The following ZBBX variants were observed in gnomAD, a reference collection of about 807,000 sequenced individuals.
ZBBX encodes zinc finger B-box domain containing, also known as zinc finger B-box domain-containing protein 1.
A neutral mutation model predicts 108.5 loss-of-function variants in ZBBX; 101 were observed. The observed-to-expected ratio is 0.93, with a 90% CI of 0.79 to 1.10. The LOEUF (loss-of-function observed/expected upper bound fraction) is 1.10, where lower values mean the gene tolerates loss of function less well. Among genes scored for constraint, ZBBX ranks in the 50% least tolerant of loss-of-function variants. The pLI is 0.00. For missense variants in ZBBX, 1,009 were observed against 941.4 expected (o/e 1.07, Z -0.94); for synonymous variants, 356 against 323.4 (o/e 1.10, Z -1.08).
the ZBBX span, among the ~76,000 whole-genome samples, chr3:167,191,070 TTC>T: frequency 6.6e-6 from 1 of 152,126 alleles, no homozygotes; most frequent in Non-Finnish European, 1.5e-5. Context: ...CTACCAACCT[TTC>T]TCTGTTTCAA....
upstream of ZBBX, among the ~76,000 whole-genome samples, chr3:167,382,912 C>T (rs1344252317): frequency 6.6e-6 from 1 of 152,014 alleles, no homozygotes; most frequent in African/African-American, 2.4e-5. Flanking sequence ...TTGCACTATA[C>T]AACTTTAACC....
the ZBBX span, among the ~76,000 whole-genome samples, chr3:167,224,507 G>A: frequency 1.3e-5 from 2 of 151,804 alleles, no homozygotes; most frequent in South Asian, 2.1e-4. Flanking sequence ...TAATAAACAG[G>A]TTAATTAGCC....
the ZBBX span, among the ~76,000 whole-genome samples, chr3:167,179,829 T>C: frequency 4.6e-5 from 7 of 152,340 alleles, no homozygotes; most frequent in Admixed American, 3.9e-4. Flanking sequence ...ATCCAATTAG[T>C]TAATTTCAAA....
At chr3:167,192,282 C>T in the ZBBX span, among the ~76,000 whole-genome samples, 3 of 152,028 alleles carry the variant, frequency 2.0e-5, no homozygotes, top group Admixed American at 6.6e-5. Flanking sequence ...ATTGAAGAGT[C>T]GCCTTTAGCA....
At chr3:167,266,008 C>A (rs1420456771) in intron 20 of ZBBX, among the ~76,000 whole-genome samples, 9 of 152,196 alleles carry the variant, frequency 5.9e-5, no homozygotes, top group Non-Finnish European at 1.2e-4. Flanking sequence ...GTCTCTCTTG[C>A]CCTTTTCAAT....
At chr3:167,328,551 A>G (rs886539299) in intron 10 of ZBBX, among the ~76,000 whole-genome samples, 1 of 151,900 alleles carries the variant, frequency 6.6e-6, no homozygotes, top group Non-Finnish European at 1.5e-5. Flanking sequence ...TTGACTGTCT[A>G]TGAAACCCCA....
Position 167,368,487 on chromosome 3 carries a change from T to C in ZBBX, c.156A>G (p.Thr52=). The C allele has an allele frequency of 3.1e-6, 5 of 1,612,138 alleles. No homozygotes were observed. Among genetic ancestry groups the C allele is most frequent in the Non-Finnish European group, 4.2e-6 (5 of 1,178,672 alleles). Residue 52 remains threonine (T), a synonymous_variant, in exon 5 of 22, where the codon ACA becomes ACG. Transcript: ENST00000675490. ...MEKKLQEFRS[T]RNKEKEDRES... is the part of the protein sequence containing the mutation. ...CTCTATCTTCCTTTTCTTTGTTTCTTGTGGATCGGAATTCTTGCAGTTTCT... is the reference window on the plus strand; with the variant it reads ...CTCTATCTTCCTTTTCTTTGTTTCTCGTGGATCGGAATTCTTGCAGTTTCT...
intron 16 of ZBBX, among the ~76,000 whole-genome samples, chr3:167,310,642 C>T (rs1734426054): frequency 6.6e-6 from 1 of 152,126 alleles, no homozygotes; most frequent in Admixed American, 6.6e-5. Flanking sequence ...CGAGGACTCA[C>T]TCACTATCAT....
intron 16 of ZBBX, 82 bp downstream of exon 16, chr3:167,313,892 G>C (rs1265001370): frequency 7.8e-7 from 1 of 1,289,198 alleles, no homozygotes; most frequent in Admixed American, 2.8e-5. Flanking sequence ...AAAATGAACA[G>C]CATAACAAAG....
the ZBBX span, among the ~76,000 whole-genome samples, chr3:167,231,563 A>G: frequency 1.3e-5 from 2 of 151,818 alleles, no homozygotes; most frequent in African/African-American, 4.8e-5. Flanking sequence ...GAAAAAAATC[A>G]AAGTGTGTAT....
At chr3:167,204,242 TC>T in the ZBBX span, among the ~76,000 whole-genome samples, 62,611 of 131,618 alleles carry the variant, frequency 0.48, 14,747 homozygotes, top group East Asian at 0.7. Flanking sequence ...TCTTTTCTTT[TC>T]TTTTTTTTTT....
intron 8 of ZBBX, among the ~76,000 whole-genome samples, chr3:167,358,662 C>T (rs935263579): frequency 5.9e-5 from 9 of 151,902 alleles, no homozygotes; most frequent in South Asian, 2.1e-4. Flanking sequence ...ATAGTCTAGG[C>T]GTGGTGGCTC....
At chr3:167,364,185 GC>G (rs1234462513) in intron 6 of ZBBX, among the ~76,000 whole-genome samples, 1 of 146,682 alleles carries the variant, frequency 6.8e-6, no homozygotes, top group African/African-American at 2.5e-5. Context: ...TATATCTTTA[GC>G]AAAAAAAAAA....
chr3:167,392,178 T>G (rs1003611781), intron 1 of ZBBX, among the ~76,000 whole-genome samples: 1 of 151,902 alleles, frequency 6.6e-6, no homozygotes, highest in African/African-American at 2.4e-5. Context: ...GTAAGTCTTC[T>G]TTAACTCAGC....
intron 11 of ZBBX, among the ~76,000 whole-genome samples, chr3:167,323,447 A>C (rs1032715034): frequency 2.6e-5 from 4 of 152,114 alleles, no homozygotes; most frequent in Non-Finnish European, 5.9e-5. Context: ...GTTTGTGAAT[A>C]TGTTGATAAC....
chr3:167,333,404 T>C (rs2108400157), intron 10 of ZBBX, among the ~76,000 whole-genome samples: 1 of 152,282 alleles, frequency 6.6e-6, no homozygotes, highest in Middle Eastern at 3.4e-3. Context: ...CAGAATTTGG[T>C]ATAAATCTGG....
intron 19 of ZBBX, among the ~76,000 whole-genome samples, chr3:167,283,616 T>C (rs1272561653): frequency 6.6e-6 from 1 of 152,188 alleles, no homozygotes; most frequent in East Asian, 1.9e-4. Context: ...ATGTATTAAA[T>C]ATTTAATGAC....
In ZBBX at chr3:167,368,972, G is replaced by T. The variant is rs552173861; in HGVS notation, c.69-398C>A. Among the ~76,000 whole-genome samples the T allele has an allele frequency of 3.9e-5, 6 of 152,176 alleles. No individual in the cohort carries two copies. In the East Asian group the frequency reaches 1.2e-3, roughly 29 times the overall value. On this transcript the variant is annotated intron_variant, in intron 4 of 21. Coordinates refer to ENST00000675490, the MANE Select transcript of ZBBX (RefSeq NM_001199201.2). ...TTGAAGCACAGTATTTAAAACAATA[G>T]ACGAAATATACATTTTTGCTGAACT...
chr3:167,357,662 T>C (rs1743809530), intron 8 of ZBBX, among the ~76,000 whole-genome samples: 1 of 152,160 alleles, frequency 6.6e-6, no homozygotes, highest in Admixed American at 6.6e-5. Flanking sequence ...TACAAAGGAA[T>C]ATTATTCAGC....
Sources: allele counts gnomAD v4.1 joint callset (sites outside exome capture counted in the v4.1 genomes callset), GRCh38; gene constraint gnomAD v4.1.1; transcripts MANE v1.5; gene names NCBI Gene and HGNC (gene_info 2026-07-23, HGNC 2026-07-21).